IMMP2L: variants seen among roughly 807,000 people sequenced by gnomAD.
IMMP2L encodes mitochondrial inner membrane protease subunit 2.
A neutral mutation model predicts 19.3 loss-of-function variants in IMMP2L; 18 were observed. The ratio of observed to expected loss-of-function variants is 0.93; its 90% CI spans 0.64 to 1.38. IMMP2L has a LOEUF of 1.38. Ranked by LOEUF, IMMP2L falls within the 40% of genes most tolerant of loss-of-function variation. The pLI, the probability that IMMP2L is intolerant of heterozygous loss-of-function variation, is 0.00. For synonymous variants in IMMP2L, 76 were observed against 73.0 expected, an observed-to-expected ratio of 1.04 and a Z score of -0.21; for missense variants, 233 against 218.2, an observed-to-expected ratio of 1.07 and a Z score of -0.43.
chr7:111,299,027 G>A (rs1821929020), intron 3 of IMMP2L, among the ~76,000 whole-genome samples: 1 of 152,008 alleles, frequency 6.6e-6, no homozygotes, highest in Non-Finnish European at 1.5e-5. Context: ...ACAACTATCA[G>A]GACTAACTTT....
intron 3 of IMMP2L, among the ~76,000 whole-genome samples, chr7:111,102,381 G>C (rs901578552): frequency 6.6e-6 from 1 of 151,392 alleles, no homozygotes; most frequent in African/African-American, 2.4e-5. Context: ...GCCCATATTT[G>C]TGGAACCTCT....
intron 3 of IMMP2L, among the ~76,000 whole-genome samples, chr7:111,178,468 T>C (rs941064687): frequency 6.6e-6 from 1 of 152,032 alleles, no homozygotes; most frequent in Non-Finnish European, 1.5e-5. Context: ...AAGTCTGCCC[T>C]ATTAATTAAC....
chr7:111,196,456 T>C (rs113900360), intron 3 of IMMP2L, among the ~76,000 whole-genome samples: 2,986 of 152,276 alleles, frequency 0.02, 96 homozygotes, highest in African/African-American at 0.067. Flanking sequence ...CTCTAAAGCA[T>C]CTTACAATCA....
At chr7:111,130,224 C>T (rs1433454939) in intron 3 of IMMP2L, among the ~76,000 whole-genome samples, 1 of 152,068 alleles carries the variant, frequency 6.6e-6, no homozygotes, top group Admixed American at 6.6e-5. Flanking sequence ...ACGACTTTTT[C>T]TTAGGAGCAA....
intron 5 of IMMP2L, among the ~76,000 whole-genome samples, chr7:110,830,340 G>T (rs1269639101): frequency 6.6e-6 from 1 of 152,088 alleles, no homozygotes; most frequent in Admixed American, 6.5e-5. Context: ...GCTGTGGCTA[G>T]GAGGGACAGC....
intron 5 of IMMP2L, among the ~76,000 whole-genome samples, chr7:110,818,759 A>G (rs1471500775): frequency 6.6e-6 from 1 of 151,982 alleles, no homozygotes; most frequent in African/African-American, 2.4e-5. Flanking sequence ...GCACATATAC[A>G]CCATGGAATA....
chr7:110,692,597 C>A (rs535952764), intron 5 of IMMP2L, among the ~76,000 whole-genome samples: 3 of 152,094 alleles, frequency 2.0e-5, no homozygotes, highest in Non-Finnish European at 4.4e-5. Context: ...TTTGATTTCA[C>A]TGAAAATAAT....
chr7:111,076,959 A>G (rs1055635011), intron 3 of IMMP2L, among the ~76,000 whole-genome samples: 7 of 152,174 alleles, frequency 4.6e-5, no homozygotes, highest in African/African-American at 9.7e-5. Context: ...CTAGACCTCA[A>G]TAGTGAATGA....
In IMMP2L at chr7:111,264,655, C is replaced by T. The variant is rs142260957; in HGVS notation, c.239+222583G>A. On this transcript the variant is annotated intron_variant, in intron 3 of 5. Coordinates refer to ENST00000405709, the MANE Select transcript of IMMP2L (RefSeq NM_032549.4). ...CTGGCTAGTTGCAGGGAAGATTAGA[C>T]GGTGAGATTGGCATCCAGGGAAAAT... Among the ~76,000 whole-genome samples, 212 of 151,458 alleles carry T rather than the reference C, an allele frequency of 1.4e-3. 4 individuals carry two copies. In the East Asian group the frequency reaches 0.036, roughly 25 times the overall value.
At chr7:111,453,406 T>G (rs1839399060) in intron 3 of IMMP2L, among the ~76,000 whole-genome samples, 1 of 152,188 alleles carries the variant, frequency 6.6e-6, no homozygotes, top group Non-Finnish European at 1.5e-5. Flanking sequence ...AGCACGGCCC[T>G]TCAAAAACCT....
At chr7:111,053,410 G>A (rs1585979355) in intron 3 of IMMP2L, among the ~76,000 whole-genome samples, 1 of 149,746 alleles carries the variant, frequency 6.7e-6, no homozygotes, top group Admixed American at 6.6e-5. Context: ...GCCCTAGGTG[G>A]TCATATACCA....
intron 3 of IMMP2L, among the ~76,000 whole-genome samples, chr7:111,233,033 G>C (rs1462940148): frequency 6.6e-6 from 1 of 151,972 alleles, no homozygotes; most frequent in Non-Finnish European, 1.5e-5. Context: ...ACCCCTACTA[G>C]ACTATAAACT....
At chr7:110,776,412 T>TAGC (rs1799392629) in intron 5 of IMMP2L, among the ~76,000 whole-genome samples, 1 of 152,000 alleles carries the variant, frequency 6.6e-6, no homozygotes, top group African/African-American at 2.4e-5. Flanking sequence ...AATAGTCAAA[T>TAGC]AGCACACTAG....
rs183447569 is a variant in IMMP2L at position 110,757,228 on chromosome 7, C to T, written c.409-93507G>A. On this transcript the variant is annotated intron_variant, in intron 5 of 5. Transcript: ENST00000405709. This position sits in a 1 kb window ranked among gnomAD's most constrained non-coding sequence, Gnocchi z 4.2. ...AGGGGTGAAATCAGGGCTGGCTTCA[C>T]GGGTGTGCAATCTGGGGAGTCACTG... 1.2e-3 allele frequency among the ~76,000 whole-genome samples: 181 copies of T among 152,070 alleles called. 1 individual carries two copies. Among genetic ancestry groups the T allele is most frequent in the African/African-American group, 4.1e-3 (170 of 41,526 alleles).
intron 3 of IMMP2L, among the ~76,000 whole-genome samples, chr7:111,343,508 T>C (rs762353951): frequency 3.3e-5 from 5 of 152,070 alleles, no homozygotes; most frequent in Non-Finnish European, 1.5e-5. Flanking sequence ...CAGAATCCTT[T>C]CCTGGCTCCC....
At chr7:111,392,730 G>C in intron 3 of IMMP2L, 2 of 456,320 alleles carry the variant, frequency 4.4e-6, no homozygotes, top group South Asian at 3.1e-5. Context: ...TGAGGTGGGA[G>C]GGTCCTCCCC....
intron 1 of IMMP2L, among the ~76,000 whole-genome samples, chr7:111,532,349 T>C (rs1847471725): frequency 6.6e-6 from 1 of 152,160 alleles, no homozygotes; most frequent in Admixed American, 6.5e-5. Flanking sequence ...AGGGTCTTAT[T>C]AGGGCTCAAC....
At chr7:111,535,588 C>T (rs1345107519) in intron 1 of IMMP2L, among the ~76,000 whole-genome samples, 2 of 152,100 alleles carry the variant, frequency 1.3e-5, no homozygotes, top group African/African-American at 4.8e-5. Flanking sequence ...AGGGACTAAT[C>T]CAATTAACTT....
At chr7:111,201,523 C>T (rs945418897) in intron 3 of IMMP2L, among the ~76,000 whole-genome samples, 1 of 151,932 alleles carries the variant, frequency 6.6e-6, no homozygotes, top group African/African-American at 2.4e-5. Flanking sequence ...CAAGATCAGC[C>T]TGGGCAATCT....
Sources: allele counts gnomAD v4.1 joint callset (sites outside exome capture counted in the v4.1 genomes callset), GRCh38; gene constraint gnomAD v4.1.1; non-coding constraint Gnocchi (gnomAD v3.1); transcripts MANE v1.5; gene names NCBI Gene and HGNC (gene_info 2026-07-23, HGNC 2026-07-21).